The following MBOAT2 variants were observed in gnomAD, a reference collection of about 807,000 sequenced individuals.
MBOAT2 encodes the protein membrane-bound glycerophospholipid O-acyltransferase 2.
In MBOAT2, 28 loss-of-function variants were observed where a neutral mutation model predicts 63.4. The ratio of observed to expected loss-of-function variants is 0.44; its 90% confidence interval spans 0.33 to 0.61. MBOAT2 has a LOEUF of 0.61. MBOAT2 is among the 20% of genes least tolerant of loss of function. The probability of loss-of-function intolerance (pLI) is 0.03; values close to 1 mark genes in which losing one functional copy is unlikely to be tolerated. For missense variants in MBOAT2, 470 were observed against 605.8 expected (o/e 0.78, Z 2.35); for synonymous variants, 211 against 215.6 (o/e 0.98, Z 0.19).
intron 4 of MBOAT2, among the ~76,000 whole-genome samples, chr2:8,904,164 G>A (rs919782681): frequency 2.0e-5 from 3 of 151,784 alleles, no homozygotes; most frequent in African/African-American, 4.8e-5. Flanking sequence ...TAGTAGAGAC[G>A]AGTTTTGCCA....
chr2:8,986,335 G>A (rs976613593), intron 1 of MBOAT2, among the ~76,000 whole-genome samples: 5 of 152,018 alleles, frequency 3.3e-5, no homozygotes, highest in African/African-American at 1.2e-4. Context: ...CAGCACTTTG[G>A]GAGGCTGAGG....
At chr2:8,922,620 T>C (rs1168240369) in intron 3 of MBOAT2, among the ~76,000 whole-genome samples, 2 of 152,136 alleles carry the variant, frequency 1.3e-5, no homozygotes. Flanking sequence ...CATATCTGAG[T>C]GGTCAGTCAA....
chr2:8,929,665 T>C (rs13022270), intron 3 of MBOAT2, among the ~76,000 whole-genome samples: 25 of 152,194 alleles, frequency 1.6e-4, no homozygotes, highest in Non-Finnish European at 2.2e-4. Flanking sequence ...CCCTAACATT[T>C]TATAGGAGGC....
chr2:9,000,067 T>G (rs1270223903), intron 1 of MBOAT2, among the ~76,000 whole-genome samples: 1 of 152,216 alleles, frequency 6.6e-6, no homozygotes, highest in Non-Finnish European at 1.5e-5. Flanking sequence ...ATAATTTCTA[T>G]CATCTCATAA....
At chr2:8,945,848 T>TA (rs919750611) in intron 2 of MBOAT2, among the ~76,000 whole-genome samples, 5 of 152,090 alleles carry the variant, frequency 3.3e-5, no homozygotes, top group African/African-American at 9.7e-5. Flanking sequence ...AGCACAGGTT[T>TA]AAAAAAAGGT....
At chr2:8,879,276 T>C (rs1251789449) in intron 6 of MBOAT2, among the ~76,000 whole-genome samples, 1 of 152,176 alleles carries the variant, frequency 6.6e-6, no homozygotes, top group Non-Finnish European at 1.5e-5. Flanking sequence ...CCTTGTACTC[T>C]AGCAGCAGAG....
chr2:8,910,736 T>A (rs1665654927), intron 3 of MBOAT2, among the ~76,000 whole-genome samples: 1 of 152,182 alleles, frequency 6.6e-6, no homozygotes, highest in Admixed American at 6.5e-5. Flanking sequence ...GTAGTTTCTG[T>A]CTAATGTAGA....
chr2:8,920,353 G>T (rs974259688), intron 3 of MBOAT2, among the ~76,000 whole-genome samples: 7 of 152,114 alleles, frequency 4.6e-5, no homozygotes, highest in African/African-American at 1.7e-4. Flanking sequence ...GACCATAAAG[G>T]TTTATTTCTG....
chr2:8,912,352 AG>A (rs1665806529), intron 3 of MBOAT2, among the ~76,000 whole-genome samples: 7 of 53,430 alleles, frequency 1.3e-4, no homozygotes, highest in African/African-American at 5.0e-4. Flanking sequence ...AGAAAGAAAG[AG>A]AAAGAAAGAA....
At chr2:8,920,876 C>T (rs1233094872) in intron 3 of MBOAT2, among the ~76,000 whole-genome samples, 1 of 152,136 alleles carries the variant, frequency 6.6e-6, no homozygotes, top group Non-Finnish European at 1.5e-5. Flanking sequence ...AAACTGCAAC[C>T]TTGCCAGCCT....
intron 2 of MBOAT2, among the ~76,000 whole-genome samples, chr2:8,948,339 A>T (rs1019464004): frequency 6.6e-6 from 1 of 152,098 alleles, no homozygotes; most frequent in Non-Finnish European, 1.5e-5. Flanking sequence ...ACAACAAAAA[A>T]TTTTTTTTCC....
rs1159675880 is a variant in MBOAT2 at position 8,858,506 on chromosome 2, G to T, written c.*173C>A. 8.9e-6 allele frequency: 5 copies of T among 561,618 alleles called. No individual in the cohort carries two copies. The highest frequency in any genetic ancestry group is 1.6e-5 in the Non-Finnish European group (5 of 320,058). 34.8% of individuals were successfully genotyped at this position (561,618 alleles called of 1,614,324 possible). A position where few individuals can be genotyped will look rare whatever the true frequency, so the allele number is the denominator to read the frequency against. On this transcript the variant is annotated 3_prime_UTR_variant, in exon 13 of 13. Coordinates refer to ENST00000305997, the MANE Select transcript of MBOAT2 (RefSeq NM_138799.4). Reference sequence around the variant, plus strand: ...GCGTGGCCCACGGAGACATGGCATGGGAGGGCTTGTTTCACTCCATTTCCA... The same window carrying T: ...GCGTGGCCCACGGAGACATGGCATGTGAGGGCTTGTTTCACTCCATTTCCA...
At chr2:8,949,243 C>G (rs1040251790) in intron 2 of MBOAT2, among the ~76,000 whole-genome samples, 1 of 152,170 alleles carries the variant, frequency 6.6e-6, no homozygotes, top group African/African-American at 2.4e-5. Flanking sequence ...AAACCTTTGT[C>G]AAATCCACAG....
intron 4 of MBOAT2, among the ~76,000 whole-genome samples, chr2:8,899,246 T>C (rs1008896272): frequency 1.1e-4 from 17 of 152,190 alleles, no homozygotes; most frequent in African/African-American, 4.1e-4. Flanking sequence ...GCTCCAGCTT[T>C]GGCTAATATA....
intron 3 of MBOAT2, among the ~76,000 whole-genome samples, chr2:8,925,493 G>A (rs1449505469): frequency 6.6e-6 from 1 of 152,230 alleles, no homozygotes; most frequent in Non-Finnish European, 1.5e-5. Context: ...CACCACCATG[G>A]TTGAGCAAAA....
chr2:8,962,834 T>A (rs1669706997), intron 1 of MBOAT2, among the ~76,000 whole-genome samples: 1 of 151,976 alleles, frequency 6.6e-6, no homozygotes, highest in African/African-American at 2.4e-5. Flanking sequence ...ACATCCTAAG[T>A]AACAATGTGG....
At chr2:8,933,874 GA>G (rs202036361) in intron 3 of MBOAT2, among the ~76,000 whole-genome samples, 3 of 149,938 alleles carry the variant, frequency 2.0e-5, no homozygotes, top group South Asian at 2.1e-4. Flanking sequence ...CTCGATCCAA[GA>G]AAAAAAAAGT....
intron 4 of MBOAT2, among the ~76,000 whole-genome samples, chr2:8,892,499 G>A (rs756590944): frequency 3.3e-5 from 5 of 152,148 alleles, no homozygotes; most frequent in East Asian, 1.9e-4. Flanking sequence ...GAGCACCTAC[G>A]ATGCACCAAG....
intron 3 of MBOAT2, among the ~76,000 whole-genome samples, chr2:8,939,603 C>T (rs1667906236): frequency 6.6e-6 from 1 of 152,142 alleles, no homozygotes; most frequent in Non-Finnish European, 1.5e-5. Context: ...AAGACGTTCT[C>T]GGACCCTCCA....
Sources: allele counts gnomAD v4.1 joint callset (sites outside exome capture counted in the v4.1 genomes callset), GRCh38; gene constraint gnomAD v4.1.1; transcripts MANE v1.5; gene names NCBI Gene and HGNC (gene_info 2026-07-23, HGNC 2026-07-21).